SPTLC1: variants seen among roughly 807,000 people sequenced by gnomAD.
The protein encoded by SPTLC1 is serine palmitoyltransferase 1.
In SPTLC1, 55 loss-of-function variants were observed where a neutral mutation model predicts 68.9. The ratio of observed to expected loss-of-function variants is 0.80; its 90% CI spans 0.64 to 1.00. The LOEUF is 1.00. Among genes scored for constraint, SPTLC1 ranks in the 50% least tolerant of loss-of-function variants. SPTLC1 has a pLI of 0.00. For synonymous variants in SPTLC1, 197 were observed against 201.6 expected (o/e 0.98, Z 0.19); for missense variants, 449 against 573.1 (o/e 0.78, Z 2.21).
intron 2 of SPTLC1, chr9:92,109,376 C>T: frequency 6.1e-6 from 1 of 162,770 alleles, no homozygotes; most frequent in Non-Finnish European, 1.4e-5. Context: ...GCTATTCTTC[C>T]CCTGAACCCT....
At chr9:92,080,414 T>C (rs1834837286) in intron 4 of SPTLC1, among the ~76,000 whole-genome samples, 1 of 152,260 alleles carries the variant, frequency 6.6e-6, no homozygotes, top group South Asian at 2.1e-4. Context: ...TGTTCAGTTC[T>C]GTGGTTGCTG....
intron 3 of SPTLC1, among the ~76,000 whole-genome samples, chr9:92,105,733 C>T (rs28759240): frequency 0.12 from 16,292 of 138,472 alleles, 1,934 homozygotes; most frequent in African/African-American, 0.32. Context: ...CCTCACAGCC[C>T]GGGAAGTGAG....
chr9:92,047,490 T>C (rs1239166305), intron 10 of SPTLC1, 123 bp downstream of exon 10: 11 of 769,090 alleles, frequency 1.4e-5, no homozygotes, highest in East Asian at 5.3e-5. Flanking sequence ...TCTTTAAAAA[T>C]TGACATTTAA....
Position 92,104,381 on chromosome 9 carries a change from G to T in SPTLC1, c.260+4359C>A. On this transcript the variant is annotated intron_variant, in intron 3 of 14. Transcript: ENST00000262554. ...TTCCCACTCCTCTTCAACCGTCAGC[G>T]ACATCTTGGGCCTTCTTTTCCAGTC... The T allele has an allele frequency of 2.1e-6, 3 of 1,398,666 alleles. No homozygotes were observed. In the South Asian group the frequency reaches 4.7e-5, roughly 22 times the overall value. The allele number at this position is 1,398,666 out of a possible 1,614,324, so 86.6% of individuals were successfully genotyped here.
At chr9:92,048,433 AG>A (rs1249174458) in intron 9 of SPTLC1, among the ~76,000 whole-genome samples, 10 of 152,224 alleles carry the variant, frequency 6.6e-5, no homozygotes, top group African/African-American at 1.7e-4. Flanking sequence ...TAGATCCAGC[AG>A]AGTTTTGAGA....
At chr9:92,055,563 C>T in intron 7 of SPTLC1, 69 bp from the exon 8 acceptor site, 2 of 1,443,258 alleles carry the variant, frequency 1.4e-6, no homozygotes, top group Non-Finnish European at 1.9e-6. Flanking sequence ...TACATATTCC[C>T]CAGCACTTTC....
Position 92,080,932 on chromosome 9 carries a change from T to A in SPTLC1, c.292A>T (p.Lys98Ter). 1 of 1,614,182 alleles carries A rather than the reference T, an allele frequency of 6.2e-7. No homozygotes were observed. Among genetic ancestry groups the A allele is most frequent in the Non-Finnish European group, 8.5e-7 (1 of 1,180,012 alleles). ...AATGAGGCGAAGTTTATACATTCTTTTCCATTCACCACAGTTTTGTGGCTT... is the reference window on the plus strand; with the variant it reads ...AATGAGGCGAAGTTTATACATTCTTATCCATTCACCACAGTTTTGTGGCTT... ...PPSHKTVVNG[K>*]ECINFASFNF... The change falls in exon 4 of 15, where the codon AAA (lysine) becomes TAA (stop). Residue 98 changes from lysine to a stop codon, truncating the protein, a stop_gained. Transcript: ENST00000262554. LOFTEE classifies it high-confidence loss of function.
chr9:92,080,825 A>C lies in SPTLC1; in HGVS notation c.354+45T>G, dbSNP rs201432015. 391 of 1,474,520 alleles carry C rather than the reference A, an allele frequency of 2.7e-4. 1 individual carries two copies. The African/African-American group carries it at 3.9e-3, about 15-fold the overall frequency. 91.3% of individuals were successfully genotyped at this position (1,474,520 alleles called of 1,614,324 possible). A position where few individuals can be genotyped will look rare whatever the true frequency, so the allele number is the denominator to read the frequency against. On this transcript the variant is annotated intron_variant, in intron 4 of 14. Transcript: ENST00000262554. Reference sequence around the variant, plus strand: ...TTTGTCTTTTATGTCTAGTTTCTTAAATCAGTAATGTTATCTGTCCACTTC... The same window carrying C: ...TTTGTCTTTTATGTCTAGTTTCTTACATCAGTAATGTTATCTGTCCACTTC...
intron 3 of SPTLC1, among the ~76,000 whole-genome samples, chr9:92,081,545 C>T (rs1834885382): frequency 6.6e-6 from 1 of 152,150 alleles, no homozygotes; most frequent in Admixed American, 6.5e-5. Context: ...CGGATATGAG[C>T]CCGGCTGGGA....
intron 3 of SPTLC1, among the ~76,000 whole-genome samples, chr9:92,086,279 G>A (rs1190929726): frequency 6.6e-6 from 1 of 151,848 alleles, no homozygotes; most frequent in Non-Finnish European, 1.5e-5. Context: ...ATTTGATCCT[G>A]TCATTATGAT....
At chr9:92,067,565 C>T (rs986079561) in intron 6 of SPTLC1, among the ~76,000 whole-genome samples, 3 of 152,158 alleles carry the variant, frequency 2.0e-5, no homozygotes, top group Non-Finnish European at 2.9e-5. Context: ...GCTCCTCTAT[C>T]CTTAATAAGG....
intron 10 of SPTLC1, 103 bp downstream of exon 10, chr9:92,047,510 G>A (rs990999544): frequency 5.0e-6 from 4 of 795,664 alleles, no homozygotes; most frequent in Non-Finnish European, 8.4e-6. Context: ...AATAAAAATT[G>A]TGTGATAAAC....
intron 6 of SPTLC1, among the ~76,000 whole-genome samples, chr9:92,062,726 C>G (rs1303029632): frequency 6.6e-6 from 1 of 152,102 alleles, no homozygotes; most frequent in East Asian, 1.9e-4. Context: ...GTCCCAACTA[C>G]CCAGGAGGCT....
At position 92,038,342 on chromosome 9, in the gene SPTLC1, C is replaced by T. The variant is rs119482084; in HGVS notation, c.1160G>A (p.Gly387Glu). The change falls in exon 13 of 15, where the codon GGG becomes GAG. Residue 387 changes from glycine to glutamate, a missense_variant. Physicochemically the swap from Gly to Glu is moderately conservative, Grantham distance 98. Around this residue, in one of 3 missense-constraint regions of SPTLC1, gnomAD observed 391 missense variants for 472.1 expected, o/e 0.83. Transcript: ENST00000262554. ...LQGISGLKVV[G>E]ESLSPAFHLQ... ...GTGAAAGGCTGGAGAAAGGGACTCC[C>T]CCACCACTTTTAATCCAGAAATGCT... The T allele has an allele frequency of 1.3e-5, 21 of 1,613,516 alleles. No individual in the cohort carries two copies. Among genetic ancestry groups the T allele is most frequent in the Non-Finnish European group, 1.7e-5 (20 of 1,179,586 alleles).
chr9:92,059,046 T>C, intron 7 of SPTLC1, 133 bp downstream of exon 7: 1 of 1,075,456 alleles, frequency 9.3e-7, no homozygotes, highest in South Asian at 1.5e-5. Context: ...CAAGTACATT[T>C]AATAAGCAGG....
chr9:92,086,295 C>T (rs1489005129), intron 3 of SPTLC1, among the ~76,000 whole-genome samples: 1 of 151,738 alleles, frequency 6.6e-6, no homozygotes, highest in African/African-American at 2.4e-5. Flanking sequence ...ATGATGTTAG[C>T]TGGTTATTTT....
At chr9:92,079,660 C>A (rs756580259) in intron 5 of SPTLC1, 8 of 1,157,200 alleles carry the variant, frequency 6.9e-6, no homozygotes, top group African/African-American at 1.5e-5. Context: ...TCTCAGCCCC[C>A]TGCGTGGCTA....
At chr9:92,096,709 G>C (rs1230804237) in intron 3 of SPTLC1, among the ~76,000 whole-genome samples, 2 of 151,924 alleles carry the variant, frequency 1.3e-5, no homozygotes, top group African/African-American at 4.8e-5. Flanking sequence ...TAAATGTAAG[G>C]GCAAAAACTA....
Position 92,067,947 on chromosome 9 carries a change from C to G in SPTLC1, c.560+19G>C. ...TTTCAAAGGAACTGCTATTAGAAAA[C>G]TACGTAAAGTTTACTTACACAAAAA... On this transcript the variant is annotated intron_variant, in intron 6 of 14. Transcript: ENST00000262554. The G allele has an allele frequency of 6.2e-7, 1 of 1,612,514 alleles. No individual in the cohort carries two copies.
Sources: allele counts gnomAD v4.1 joint callset (sites outside exome capture counted in the v4.1 genomes callset), GRCh38; gene constraint gnomAD v4.1.1; regional missense constraint gnomAD v4.1.1; transcripts MANE v1.5; gene names NCBI Gene and HGNC (gene_info 2026-07-23, HGNC 2026-07-21).